C10orf90: variants seen among roughly 807,000 people sequenced by gnomAD.
The protein encoded by C10orf90 is chromosome 10 open reading frame 90.
In C10orf90, 56 loss-of-function variants were observed where a neutral mutation model predicts 62.5. That is an observed-to-expected ratio of 0.90 (90% CI 0.72 to 1.12). The LOEUF (loss-of-function observed/expected upper bound fraction) is 1.12. Among genes scored for constraint, C10orf90 ranks in the 50% most tolerant of loss-of-function variants. The probability of loss-of-function intolerance (pLI) is 0.00; values close to 1 mark genes in which losing one functional copy is unlikely to be tolerated. For missense variants in C10orf90, 970 were observed against 880.4 expected (o/e 1.10, Z -1.29); for synonymous variants, 386 against 340.4 (o/e 1.13, Z -1.47).
intron 4 of C10orf90, among the ~76,000 whole-genome samples, chr10:126,465,577 T>C (rs1395712702): frequency 3.3e-5 from 5 of 152,184 alleles, no homozygotes; most frequent in African/African-American, 1.2e-4. Flanking sequence ...ATGATTACTA[T>C]TGCAGAAGCA....
rs958336951 is a variant in C10orf90, at chr10:126,431,876, A to G, written c.2189-2026T>C. Among the ~76,000 whole-genome samples the G allele has an allele frequency of 3.7e-4, 57 of 152,108 alleles. 3 individuals carry two copies. ...GATTCCCAAGAGGAAACAACAGCAA[A>G]TGTGAGCTCTCTGACACCTCCACTC... On this transcript the variant is annotated intron_variant, in intron 7 of 9. Coordinates refer to ENST00000488181, the MANE Select transcript of C10orf90 (RefSeq NM_001350921.2).
At chr10:126,565,368 T>TATATATA (rs1564874463) in intron 2 of C10orf90, among the ~76,000 whole-genome samples, 1 of 44,820 alleles carries the variant, frequency 2.2e-5, no homozygotes, top group African/African-American at 8.4e-5. Flanking sequence ...TATATATTAT[T>TATATATA]TTATATAATA....
chr10:126,432,926 G>A (rs1857675942), intron 7 of C10orf90, among the ~76,000 whole-genome samples: 1 of 152,198 alleles, frequency 6.6e-6, no homozygotes. Flanking sequence ...TAAGAGAGTT[G>A]GAGAGCCATG....
intron 2 of C10orf90, among the ~76,000 whole-genome samples, chr10:126,608,914 G>A (rs921450836): frequency 6.6e-6 from 1 of 152,170 alleles, no homozygotes; most frequent in Non-Finnish European, 1.5e-5. Context: ...GGTAGAGGCA[G>A]CCTATGTAAA....
At chr10:126,657,160 A>G (rs1052694489) in intron 1 of C10orf90, among the ~76,000 whole-genome samples, 10 of 152,156 alleles carry the variant, frequency 6.6e-5, no homozygotes, top group Non-Finnish European at 1.5e-4. Flanking sequence ...TAATTGTGGT[A>G]AAATATAAAC....
At chr10:126,479,584 G>A (rs1479948289) in intron 4 of C10orf90, among the ~76,000 whole-genome samples, 6 of 151,948 alleles carry the variant, frequency 3.9e-5, no homozygotes, top group African/African-American at 9.7e-5. Flanking sequence ...CCTCCAGGAC[G>A]CAGCTGACAA....
At chr10:126,447,459 G>C (rs1156911708) in intron 7 of C10orf90, among the ~76,000 whole-genome samples, 1 of 152,058 alleles carries the variant, frequency 6.6e-6, no homozygotes, top group Non-Finnish European at 1.5e-5. Context: ...TAATGATAAA[G>C]GGGTCAATTC....
chr10:126,585,921 T>G (rs1226693892), intron 2 of C10orf90, among the ~76,000 whole-genome samples: 1 of 152,102 alleles, frequency 6.6e-6, no homozygotes, highest in Non-Finnish European at 1.5e-5. Flanking sequence ...GAATAAGAAG[T>G]CTTCCAGGAA....
chr10:126,440,430 C>T (rs887252168), intron 7 of C10orf90, among the ~76,000 whole-genome samples: 1 of 152,108 alleles, frequency 6.6e-6, no homozygotes, highest in African/African-American at 2.4e-5. Flanking sequence ...CAGCTCTGCC[C>T]CCAGCTGATG....
Position 126,504,750 on chromosome 10 carries a change from T to TG in C10orf90, c.740dup (p.Ala248SerfsTer20), listed in dbSNP as rs762432781. The TG allele has an allele frequency of 4.4e-6, 7 of 1,593,430 alleles. No individual in the cohort carries two copies. The highest frequency in any genetic ancestry group is 1.3e-5 in the African/African-American group (1 of 74,352). On this transcript the variant is annotated frameshift_variant, in exon 4 of 10. Coordinates refer to ENST00000488181, the MANE Select transcript of C10orf90 (RefSeq NM_001350921.2). LOFTEE classifies it high-confidence loss of function. This position sits in a 1 kb window ranked among gnomAD's most constrained non-coding sequence, Gnocchi z 4.1. Reference sequence around the variant, plus strand: ...CAGTCCCCCACACCAGGGCGCGGGCTGGGGGGCCCACGCGTCTGGCCGTGA... The same window carrying TG: ...CAGTCCCCCACACCAGGGCGCGGGCTGGGGGGGCCCACGCGTCTGGCCGTGA...
chr10:126,426,658 C>T (rs955829363), intron 8 of C10orf90, among the ~76,000 whole-genome samples: 1 of 152,148 alleles, frequency 6.6e-6, no homozygotes, highest in African/African-American at 2.4e-5. Context: ...ACACTTCTTT[C>T]CTACTTTCTA....
intron 7 of C10orf90, among the ~76,000 whole-genome samples, chr10:126,436,483 T>A (rs538843645): frequency 6.6e-6 from 1 of 152,276 alleles, no homozygotes; most frequent in South Asian, 2.1e-4. Flanking sequence ...TTATGATGTA[T>A]ATATGATGAT....
chr10:126,432,819 T>TGAC (rs1203195142), intron 7 of C10orf90, among the ~76,000 whole-genome samples: 3 of 152,364 alleles, frequency 2.0e-5, no homozygotes, highest in Non-Finnish European at 4.4e-5. Context: ...AGTCTCCAGA[T>TGAC]GACTCCAACA....
chr10:126,611,132 CA>C (rs1845424055), intron 2 of C10orf90, among the ~76,000 whole-genome samples: 1 of 152,132 alleles, frequency 6.6e-6, no homozygotes, highest in Non-Finnish European at 1.5e-5. Context: ...TACCCAATGG[CA>C]GCCACTCCCT....
At chr10:126,565,152 T>G (rs1413662032) in intron 2 of C10orf90, among the ~76,000 whole-genome samples, 4 of 52,986 alleles carry the variant, frequency 7.5e-5, no homozygotes, top group African/African-American at 2.8e-4. Flanking sequence ...ATTAAATATG[T>G]AATATAATAT....
intron 2 of C10orf90, among the ~76,000 whole-genome samples, chr10:126,579,551 T>C (rs1447098386): frequency 6.6e-6 from 1 of 152,158 alleles, no homozygotes; most frequent in Non-Finnish European, 1.5e-5. Flanking sequence ...AAATCTGTAT[T>C]TCCTGATGCA....
At chr10:126,517,606 G>A (rs956239328) in intron 2 of C10orf90, among the ~76,000 whole-genome samples, 1 of 152,144 alleles carries the variant, frequency 6.6e-6, no homozygotes, top group Non-Finnish European at 1.5e-5. Context: ...GGCCCAGGAT[G>A]ACTCTTAGGA....
At chr10:126,458,530 GAGTA>G (rs1446678779) in intron 7 of C10orf90, among the ~76,000 whole-genome samples, 5 of 152,176 alleles carry the variant, frequency 3.3e-5, no homozygotes, top group African/African-American at 1.2e-4. Flanking sequence ...CCTCTCCAGT[GAGTA>G]AGTAAGTGCC....
At chr10:126,654,255 G>A (rs575997249) in intron 1 of C10orf90, among the ~76,000 whole-genome samples, 17 of 152,316 alleles carry the variant, frequency 1.1e-4, no homozygotes, top group African/African-American at 3.1e-4. Context: ...AGAAGGCATC[G>A]TCTTCCAGTA....
Sources: gnomAD v4.1 joint callset for allele counts (sites outside exome capture counted in the v4.1 genomes callset) on GRCh38, gnomAD v4.1.1 for gene constraint, Gnocchi (gnomAD v3.1) non-coding constraint, MANE v1.5 for transcripts, NCBI Gene and HGNC (gene_info 2026-07-23, HGNC 2026-07-21) for gene names.